The following TMPRSS15 variants were observed in gnomAD, a reference collection of about 807,000 sequenced individuals.
TMPRSS15 encodes enteropeptidase.
TMPRSS15 carries 128 observed loss-of-function variants against 125.3 expected under a neutral mutation model. That is an observed-to-expected ratio of 1.02 (90% CI 0.89 to 1.18). The LOEUF (loss-of-function observed/expected upper bound fraction) is 1.18, where lower values mean the gene tolerates loss of function less well. Among genes scored for constraint, TMPRSS15 ranks in the 50% most tolerant of loss-of-function variants. TMPRSS15 has a pLI of 0.00. For missense variants in TMPRSS15, 1,283 were observed against 1,212.7 expected (o/e 1.06, Z -0.86); for synonymous variants, 446 against 423.2 (o/e 1.05, Z -0.66).
chr21:18,394,059 G>C (rs1372526870), intron 3 of TMPRSS15, among the ~76,000 whole-genome samples: 1 of 152,048 alleles, frequency 6.6e-6, no homozygotes, highest in Admixed American at 6.5e-5. Context: ...TATGTTGACA[G>C]GATAAAAATA....
At chr21:18,338,047 G>A (rs569075213) in intron 13 of TMPRSS15, among the ~76,000 whole-genome samples, 1 of 152,176 alleles carries the variant, frequency 6.6e-6, no homozygotes, top group East Asian at 1.9e-4. Context: ...AAAATAGACA[G>A]GGACACCAAG....
At chr21:18,276,224 A>G (rs969528905) in intron 23 of TMPRSS15, among the ~76,000 whole-genome samples, 13 of 152,334 alleles carry the variant, frequency 8.5e-5, no homozygotes, top group African/African-American at 3.1e-4. Flanking sequence ...GTGTGTGTGT[A>G]GTTAAATGCA....
At chr21:18,466,926 T>A (rs928447760) in intron 1 of TMPRSS15, among the ~76,000 whole-genome samples, 1 of 152,196 alleles carries the variant, frequency 6.6e-6, no homozygotes, top group Middle Eastern at 3.2e-3. Context: ...CCCAAAGGAT[T>A]ATAAATCATT....
chr21:18,381,256 T>C (rs1437004993), intron 4 of TMPRSS15, among the ~76,000 whole-genome samples: 3 of 152,150 alleles, frequency 2.0e-5, no homozygotes, highest in African/African-American at 7.2e-5. Flanking sequence ...TTCATCATTT[T>C]TGAATTGTGT....
intron 1 of TMPRSS15, among the ~76,000 whole-genome samples, chr21:18,482,991 A>C (rs1269428945): frequency 6.6e-6 from 1 of 151,680 alleles, no homozygotes. Flanking sequence ...TTGTTAAATT[A>C]CTGGGTCCCA....
intron 1 of TMPRSS15, among the ~76,000 whole-genome samples, chr21:18,464,978 T>C (rs1024678036): frequency 6.6e-6 from 1 of 152,160 alleles, no homozygotes; most frequent in Non-Finnish European, 1.5e-5. Context: ...TTTAGGCCAA[T>C]ATCCCTGATG....
intron 1 of TMPRSS15, among the ~76,000 whole-genome samples, chr21:18,431,491 A>G (rs1170348778): frequency 6.6e-6 from 1 of 151,998 alleles, no homozygotes; most frequent in East Asian, 1.9e-4. Context: ...TTGTCTTTTC[A>G]AAGATGATAT....
chr21:18,305,568 T>C (rs2075029250), intron 18 of TMPRSS15, among the ~76,000 whole-genome samples: 2 of 152,264 alleles, frequency 1.3e-5, no homozygotes, highest in South Asian at 4.1e-4. Flanking sequence ...TGAGATCCAC[T>C]GACCTAGACC....
At chr21:18,369,879 C>G (rs2147042081) in intron 6 of TMPRSS15, among the ~76,000 whole-genome samples, 1 of 149,616 alleles carries the variant, frequency 6.7e-6, no homozygotes, top group East Asian at 2.0e-4. Flanking sequence ...TAAATTCTCT[C>G]TGGATAAAAA....
chr21:18,356,847 T>G (rs1361914392), intron 8 of TMPRSS15, among the ~76,000 whole-genome samples: 1 of 151,872 alleles, frequency 6.6e-6, no homozygotes, highest in Non-Finnish European at 1.5e-5. Flanking sequence ...ACACTATGTT[T>G]ATTGCATAGC....
chr21:18,387,305 A>G (rs1190146492), intron 3 of TMPRSS15, among the ~76,000 whole-genome samples: 1 of 152,174 alleles, frequency 6.6e-6, no homozygotes, highest in Non-Finnish European at 1.5e-5. Context: ...AAATCCTACT[A>G]TGGTACAGAA....
rs142910380 is a variant in TMPRSS15, at chr21:18,309,300, A to C, written c.2165+3645T>G. 9.0e-3 allele frequency among the ~76,000 whole-genome samples: 1,370 copies of C among 152,288 alleles called. 22 individuals carry two copies. The highest frequency in any genetic ancestry group is 0.031 in the African/African-American group (1,270 of 41,554). Reference sequence around the variant, plus strand: ...TAAACGTAAGACCTAAAACCACAAAAACCCTAGGAGAAAACCTAGGCGATA... The same window carrying C: ...TAAACGTAAGACCTAAAACCACAAACACCCTAGGAGAAAACCTAGGCGATA... On this transcript the variant is annotated intron_variant, in intron 18 of 24. Coordinates refer to ENST00000284885, the MANE Select transcript of TMPRSS15 (RefSeq NM_002772.3).
At chr21:18,314,472 TTCACCATG>T (rs1361528573) in intron 17 of TMPRSS15, among the ~76,000 whole-genome samples, 1 of 152,090 alleles carries the variant, frequency 6.6e-6, no homozygotes, top group Non-Finnish European at 1.5e-5. Flanking sequence ...GAGACAGGGT[TTCACCATG>T]TTGGTCAGGC....
chr21:18,287,916 T>C (rs1361264889), intron 21 of TMPRSS15, among the ~76,000 whole-genome samples: 1 of 152,182 alleles, frequency 6.6e-6, no homozygotes, highest in Non-Finnish European at 1.5e-5. Flanking sequence ...AAATCTCTAC[T>C]GTCTATGACT....
intron 1 of TMPRSS15, among the ~76,000 whole-genome samples, chr21:18,435,769 T>C (rs1251594339): frequency 6.6e-6 from 1 of 152,162 alleles, no homozygotes; most frequent in Non-Finnish European, 1.5e-5. Context: ...CCTGGACTCT[T>C]TTTAGTTGGT....
rs2075596324 is a variant in TMPRSS15 at position 18,353,758 on chromosome 21, G to A, written c.986C>T (p.Ala329Val). Reference protein sequence around the residue: ...SDESDYVGFNATYTAFNSSEL... With the variant: ...SDESDYVGFNVTYTAFNSSEL... ...ACTGCTGTTAAATGCAGTATATGTT[G>A]CATTAAAGCCAACATAATCACTTTC... Residue 329 changes from alanine (A) to valine (V), a missense_variant, in exon 9 of 25, where the codon GCA (alanine) becomes GTA (valine). Transcript: ENST00000284885. 2 of 1,611,478 alleles carry A rather than the reference G, an allele frequency of 1.2e-6. No individual in the cohort carries two copies. The highest frequency in any genetic ancestry group is 2.2e-5 in the South Asian group (2 of 91,008).
Position 18,279,015 on chromosome 21 carries a change from G to A in TMPRSS15, c.2713C>T (p.Pro905Ser). ...ICLPEENQVF[P>S]PGRNCSIAGW... ...GCAATAGAACAATTTCTTCCTGGAG[G>A]AAAAACTTGATTTTCTTCCGGTAAA... is the stretch of plus-strand genomic sequence containing the variant. Residue 905 changes from proline (P) to serine (S), a missense_variant, in exon 23 of 25, where the codon CCT becomes TCT. Pro to Ser is a moderately conservative substitution (Grantham distance 74). Transcript: ENST00000284885. 1 of 1,599,318 alleles carries A rather than the reference G, an allele frequency of 6.3e-7. No individual in the cohort carries two copies. Among genetic ancestry groups the A allele is most frequent in the South Asian group, 1.1e-5 (1 of 90,380 alleles).
chr21:18,341,626 G>A, intron 12 of TMPRSS15, 78 bp from the exon 13 acceptor site: 1 of 1,450,290 alleles, frequency 6.9e-7, no homozygotes, highest in Non-Finnish European at 9.7e-7. Flanking sequence ...GTGAGCCCAA[G>A]AGATTCAATA....
chr21:18,330,013 T>C (rs1167206107), intron 14 of TMPRSS15, among the ~76,000 whole-genome samples: 2 of 152,164 alleles, frequency 1.3e-5, no homozygotes, highest in Non-Finnish European at 2.9e-5. Context: ...ATATTTCAAA[T>C]CCAACATGTT....
Sources: allele counts gnomAD v4.1 joint callset (sites outside exome capture counted in the v4.1 genomes callset), GRCh38; gene constraint gnomAD v4.1.1; transcripts MANE v1.5; gene names NCBI Gene and HGNC (gene_info 2026-07-23, HGNC 2026-07-21).